The following PDE11A variants were observed in gnomAD, a reference collection of about 807,000 sequenced individuals.
PDE11A encodes dual 3',5'-cyclic-AMP and -GMP phosphodiesterase 11A.
A neutral mutation model predicts 100.5 loss-of-function variants in PDE11A; 100 were observed. The ratio of observed to expected loss-of-function variants is 1.00; its 90% confidence interval spans 0.85 to 1.18. The LOEUF (loss-of-function observed/expected upper bound fraction) is 1.18. Among genes scored for constraint, PDE11A ranks in the 50% most tolerant of loss-of-function variants. PDE11A has a pLI of 0.00. For missense variants in PDE11A, 1,141 were observed against 1,152.6 expected, an observed-to-expected ratio of 0.99 and a Z score of 0.15; for synonymous variants, 381 against 420.8, an observed-to-expected ratio of 0.91 and a Z score of 1.16.
intron 2 of PDE11A, among the ~76,000 whole-genome samples, chr2:177,908,467 A>G (rs1371193403): frequency 6.6e-6 from 1 of 152,212 alleles, no homozygotes; most frequent in Non-Finnish European, 1.5e-5. Context: ...AGCAGGTAGC[A>G]GGGCCCTCGC....
At chr2:177,766,841 C>G (rs2082246242) in intron 10 of PDE11A, among the ~76,000 whole-genome samples, 1 of 152,186 alleles carries the variant, frequency 6.6e-6, no homozygotes, top group Non-Finnish European at 1.5e-5. Flanking sequence ...TAGCTAATAT[C>G]TGTCATGATA....
intron 1 of PDE11A, among the ~76,000 whole-genome samples, chr2:178,059,005 C>T (rs1359525123): frequency 6.6e-6 from 1 of 152,108 alleles, no homozygotes; most frequent in African/African-American, 2.4e-5. Flanking sequence ...GTCCCCAAAC[C>T]CACCCTTGAA....
intron 2 of PDE11A, among the ~76,000 whole-genome samples, chr2:177,957,985 C>G (rs1348708088): frequency 7.0e-6 from 1 of 142,012 alleles, no homozygotes; most frequent in East Asian, 2.1e-4. Context: ...ACTGCAACCT[C>G]CCCTCCCAGG....
chr2:177,955,151 C>A (rs781007675), intron 2 of PDE11A, among the ~76,000 whole-genome samples: 1 of 151,992 alleles, frequency 6.6e-6, no homozygotes, highest in African/African-American at 2.4e-5. Context: ...AGATTTTTCC[C>A]GGGTAGGAAT....
At chr2:177,954,573 A>G (rs1335745571) in intron 2 of PDE11A, among the ~76,000 whole-genome samples, 1 of 152,202 alleles carries the variant, frequency 6.6e-6, no homozygotes, top group Non-Finnish European at 1.5e-5. Flanking sequence ...CAGTGCACAT[A>G]TATAATGATA....
chr2:177,865,081 C>T (rs2084005042), intron 5 of PDE11A, among the ~76,000 whole-genome samples: 1 of 152,168 alleles, frequency 6.6e-6, no homozygotes, highest in Admixed American at 6.5e-5. Flanking sequence ...GAGTTCAAGA[C>T]CAGCCTGGCC....
At chr2:177,879,093 A>C (rs901534679) in intron 4 of PDE11A, among the ~76,000 whole-genome samples, 1 of 152,212 alleles carries the variant, frequency 6.6e-6, no homozygotes, top group African/African-American at 2.4e-5. Flanking sequence ...CCTACTTCTT[A>C]CTATTGATTA....
At chr2:177,968,462 A>C (rs1342075953) in intron 2 of PDE11A, among the ~76,000 whole-genome samples, 1 of 152,240 alleles carries the variant, frequency 6.6e-6, no homozygotes, top group Non-Finnish European at 1.5e-5. Flanking sequence ...AAACTAAAGA[A>C]AATTTGTAAT....
intron 1 of PDE11A, among the ~76,000 whole-genome samples, chr2:178,027,339 G>A (rs777213705): frequency 2.6e-5 from 4 of 152,110 alleles, no homozygotes; most frequent in African/African-American, 9.7e-5. Context: ...AAAGTTACAT[G>A]AAGAAAAGTG....
At chr2:177,864,063 C>G (rs1357153100) in intron 5 of PDE11A, among the ~76,000 whole-genome samples, 1 of 151,804 alleles carries the variant, frequency 6.6e-6, no homozygotes, top group African/African-American at 2.4e-5. Flanking sequence ...CATGGATAAG[C>G]CTGGAGGACA....
chr2:177,682,118 T>C (rs1441563496), intron 15 of PDE11A, among the ~76,000 whole-genome samples: 2 of 152,084 alleles, frequency 1.3e-5, no homozygotes, highest in African/African-American at 4.8e-5. Context: ...AAAACATTGG[T>C]CTCCACAACC....
At chr2:177,659,549 G>T (rs16865533) in intron 19 of PDE11A, among the ~76,000 whole-genome samples, 1 of 152,076 alleles carries the variant, frequency 6.6e-6, no homozygotes, top group African/African-American at 2.4e-5. Flanking sequence ...TAATAAAAAT[G>T]GAATCTCTCA....
chr2:177,671,257 A>G (rs956988750), intron 17 of PDE11A, among the ~76,000 whole-genome samples: 4 of 96,626 alleles, frequency 4.1e-5, no homozygotes, highest in Non-Finnish European at 9.0e-5. Flanking sequence ...ACTTGTTGGT[A>G]TCTCCCCTGT....
chr2:177,778,803 A>G (rs1465482104), intron 9 of PDE11A, among the ~76,000 whole-genome samples: 1 of 152,242 alleles, frequency 6.6e-6, no homozygotes, highest in African/African-American at 2.4e-5. Context: ...CTGAGAAATC[A>G]TCAGTTTTTA....
chr2:177,851,478 A>G (rs1363640823), intron 5 of PDE11A, among the ~76,000 whole-genome samples: 2 of 152,130 alleles, frequency 1.3e-5, no homozygotes, highest in African/African-American at 2.4e-5. Flanking sequence ...TGGCACATGT[A>G]TACATATGTA....
chr2:177,636,783 A>T (rs2080044878), intron 19 of PDE11A, among the ~76,000 whole-genome samples: 1 of 152,144 alleles, frequency 6.6e-6, no homozygotes. Context: ...CCCTCCCCAA[A>T]GTTGTGACCA....
At chr2:177,742,224 C>T (rs775818597) in intron 10 of PDE11A, among the ~76,000 whole-genome samples, 2 of 151,912 alleles carry the variant, frequency 1.3e-5, no homozygotes, top group Non-Finnish European at 2.9e-5. Context: ...ATTATACTCC[C>T]TGTATTTAGA....
At chr2:177,835,995 A>G (rs1342659677) in intron 6 of PDE11A, among the ~76,000 whole-genome samples, 1 of 152,136 alleles carries the variant, frequency 6.6e-6, no homozygotes, top group Admixed American at 6.5e-5. Context: ...CTCCCCGACG[A>G]GCGCTGCCCC....
chr2:177,906,315 T>G (rs1274570998), intron 2 of PDE11A, among the ~76,000 whole-genome samples: 1 of 152,106 alleles, frequency 6.6e-6, no homozygotes, highest in Non-Finnish European at 1.5e-5. Context: ...GACAGCAGCC[T>G]CCACCAACTC....
Sources: allele counts gnomAD v4.1 joint callset (sites outside exome capture counted in the v4.1 genomes callset), GRCh38; gene constraint gnomAD v4.1.1; transcripts MANE v1.5; gene names NCBI Gene and HGNC (gene_info 2026-07-23, HGNC 2026-07-21).